BAIAP2: variants seen among roughly 807,000 people sequenced by gnomAD.
The protein encoded by BAIAP2 is BAR/IMD domain containing adaptor protein 2, also known as BAR/IMD domain-containing adapter protein 2.
A neutral mutation model predicts 63.0 loss-of-function variants in BAIAP2; 18 were observed. The ratio of observed to expected loss-of-function variants is 0.29; its 90% CI spans 0.20 to 0.42. BAIAP2 has a LOEUF of 0.42. Ranked by LOEUF, BAIAP2 falls within the 10% of genes least tolerant of loss-of-function variation. The pLI is 1.00. For synonymous variants in BAIAP2, 386 were observed against 307.6 expected (o/e 1.25, Z -2.67); for missense variants, 610 against 734.3 (o/e 0.83, Z 1.96).
chr17:81,076,589 TGCA>T (rs1376280836), intron 3 of BAIAP2: 1 of 152,160 alleles, frequency 6.6e-6, no homozygotes, highest in East Asian at 1.9e-4. Flanking sequence ...GAGCTGTTCT[TGCA>T]GCAGCACTGT....
chr17:81,074,074 T>C (rs2053193295), intron 3 of BAIAP2, among the ~76,000 whole-genome samples: 1 of 152,198 alleles, frequency 6.6e-6, no homozygotes, highest in South Asian at 2.1e-4. Flanking sequence ...AATGGCATCG[T>C]CGGGCCATTC....
intron 3 of BAIAP2, among the ~76,000 whole-genome samples, chr17:81,068,724 G>GT (rs1352279006): frequency 6.6e-6 from 1 of 152,162 alleles, no homozygotes; most frequent in Non-Finnish European, 1.5e-5. Context: ...TGGCTCCTTG[G>GT]TTGTGACATG....
chr17:81,115,437 G>A (rs1395522112), intron 13 of BAIAP2, among the ~76,000 whole-genome samples: 1 of 152,202 alleles, frequency 6.6e-6, no homozygotes, highest in African/African-American at 2.4e-5. Flanking sequence ...CAGTGGTGAT[G>A]TCCGCCCCTC....
At chr17:81,093,634 A>G (rs187079901) in intron 6 of BAIAP2, among the ~76,000 whole-genome samples, 2 of 152,142 alleles carry the variant, frequency 1.3e-5, no homozygotes, top group East Asian at 3.9e-4. Context: ...TGCTCACTGT[A>G]ATGCAGGGGG....
At chr17:81,053,641 T>C in intron 1 of BAIAP2, 27 bp from the exon 2 acceptor site, 1 of 1,613,598 alleles carries the variant, frequency 6.2e-7, no homozygotes, top group Non-Finnish European at 8.5e-7. Flanking sequence ...CTGCCAGTAA[T>C]GCTGTTTCTT....
intron 3 of BAIAP2, among the ~76,000 whole-genome samples, chr17:81,067,627 C>CA (rs1244698407): frequency 6.6e-6 from 1 of 152,200 alleles, no homozygotes; most frequent in Admixed American, 6.5e-5. Context: ...TAGCTCCGAG[C>CA]GTCACCCACA....
chr17:81,040,517 TGTGACTGCAA>T lies in BAIAP2; in HGVS notation c.54+5211_54+5220del, dbSNP rs567891849. ...GGCCGAGAAGGGACCCGTTTGGCTC[TGTGACTGCAA>T]GGGCTTGATCTGTCCTGCCCACGGA... On this transcript the variant is annotated intron_variant, in intron 1 of 13. Coordinates refer to ENST00000428708, the MANE Select transcript of BAIAP2 (RefSeq NM_001144888.2). 1.2e-4 allele frequency among the ~76,000 whole-genome samples: 18 copies of T among 152,398 alleles called. No homozygotes were observed. The South Asian group carries it at 3.5e-3, about 30-fold the overall frequency.
intron 3 of BAIAP2, among the ~76,000 whole-genome samples, chr17:81,066,765 A>G (rs2051541968): frequency 6.6e-6 from 1 of 152,198 alleles, no homozygotes; most frequent in Non-Finnish European, 1.5e-5. Context: ...CTGTGAGGCC[A>G]GGCTGTGTCA....
At chr17:81,036,753 G>C in intron 1 of BAIAP2, 1 of 930,480 alleles carries the variant, frequency 1.1e-6, no homozygotes, top group Admixed American at 2.2e-5. Flanking sequence ...CACAGAGTCT[G>C]TGGCATACGG....
rs115869530 is a variant in BAIAP2, at chr17:81,091,793, G to T, written c.489+5213G>T. Among the ~76,000 whole-genome samples, 545 of 152,348 alleles carry T rather than the reference G, an allele frequency of 3.6e-3. 4 individuals are homozygous for T. Among genetic ancestry groups the T allele is most frequent in the African/African-American group, 0.012 (515 of 41,584 alleles). ...AGCAGAGAAGCAGATGCCTCCCTGC[G>T]GTTCCCAAGCTGCCCCTGCCACAGA... On this transcript the variant is annotated intron_variant, in intron 6 of 13. Coordinates refer to ENST00000428708, the MANE Select transcript of BAIAP2 (RefSeq NM_001144888.2).
chr17:81,071,112 C>T (rs58591708), intron 3 of BAIAP2, among the ~76,000 whole-genome samples: 11,141 of 101,686 alleles, frequency 0.11, 1,367 homozygotes, highest in African/African-American at 0.31. Flanking sequence ...TTTTTTTTTT[C>T]CCCCATTGGT....
chr17:81,082,754 T>C (rs1271487259), intron 3 of BAIAP2, among the ~76,000 whole-genome samples: 1 of 151,844 alleles, frequency 6.6e-6, no homozygotes, highest in African/African-American at 2.4e-5. Flanking sequence ...GACTTGGGAG[T>C]CTGGGTGGCC....
rs943456030 is a variant in BAIAP2 at position 81,073,207 on chromosome 17, C to T, written c.218-11625C>T. Among the ~76,000 whole-genome samples, 6 of 152,194 alleles carry T rather than the reference C, an allele frequency of 3.9e-5. No homozygotes were observed. In the South Asian group the frequency reaches 8.3e-4, roughly 21 times the overall value. On this transcript the variant is annotated intron_variant, in intron 3 of 13. Coordinates refer to ENST00000428708, the MANE Select transcript of BAIAP2 (RefSeq NM_001144888.2). ...ACCCCTGCTCCTCAGAGATCGAAGC[C>T]TCCTTCTCGGACCTTCCCCACCACT...
intron 1 of BAIAP2, among the ~76,000 whole-genome samples, chr17:81,052,525 G>C (rs950820995): frequency 1.3e-5 from 2 of 152,264 alleles, no homozygotes; most frequent in Non-Finnish European, 2.9e-5. Context: ...CCTGCTGTGA[G>C]CCCCGGCGTA....
chr17:81,054,672 C>T (rs1379901390), intron 2 of BAIAP2, among the ~76,000 whole-genome samples: 1 of 152,166 alleles, frequency 6.6e-6, no homozygotes, highest in Non-Finnish European at 1.5e-5. Context: ...CGCCCTGCAG[C>T]TCCTTCTCAC....
In BAIAP2 at chr17:81,110,887, C is replaced by G. The variant is rs201210958; in HGVS notation, c.1535+2378C>G. ...CGAGTCCTCAGACCCCATGCTGCCT[C>G]CAACTGAGCCTTGTGTTTCCTTGCA... On this transcript the variant is annotated intron_variant, in intron 13 of 13. Coordinates refer to ENST00000428708, the MANE Select transcript of BAIAP2 (RefSeq NM_001144888.2). 1.2e-5 allele frequency: 19 copies of G among 1,613,736 alleles called. No individual in the cohort carries two copies. The Admixed American group carries it at 3.2e-4, about 27-fold the overall frequency.
chr17:81,070,236 GGC>G (rs780836069), intron 3 of BAIAP2, among the ~76,000 whole-genome samples: 3 of 152,182 alleles, frequency 2.0e-5, no homozygotes, highest in Admixed American at 6.5e-5. Flanking sequence ...TGGGATTACA[GGC>G]GCGAGCCACC....
chr17:81,094,216 A>G (rs2057280835), intron 6 of BAIAP2, among the ~76,000 whole-genome samples: 1 of 151,888 alleles, frequency 6.6e-6, no homozygotes, highest in African/African-American at 2.4e-5. Flanking sequence ...GCTCTTGGGG[A>G]CAGCTTGGTC....
In BAIAP2 at chr17:81,086,639, C is replaced by T. The variant is rs117737110; in HGVS notation, c.489+59C>T. ...TGCCACCTTGGGACTGCTCACCCCTCGGCCCCCCTCGTCCACAGGGAGTGG... is the reference window on the plus strand; with the variant it reads ...TGCCACCTTGGGACTGCTCACCCCTTGGCCCCCCTCGTCCACAGGGAGTGG... On this transcript the variant is annotated intron_variant, in intron 6 of 13. Transcript: ENST00000428708. 1.6e-3 allele frequency: 2,534 copies of T among 1,594,758 alleles called. 24 individuals are homozygous for T. The East Asian group carries it at 0.019, about 12-fold the overall frequency.
Sources: allele counts gnomAD v4.1 joint callset (sites outside exome capture counted in the v4.1 genomes callset), GRCh38; gene constraint gnomAD v4.1.1; transcripts MANE v1.5; gene names NCBI Gene and HGNC (gene_info 2026-07-23, HGNC 2026-07-21).